Variants in RGS6 observed in about 807,000 individuals in gnomAD.
RGS6 encodes the protein regulator of G protein signaling 6, also known as regulator of G-protein signaling 6.
RGS6 carries 30 observed loss-of-function variants against 78.5 expected under a neutral mutation model. That is an observed-to-expected ratio of 0.38 (90% CI 0.29 to 0.52). The LOEUF (loss-of-function observed/expected upper bound fraction) is 0.52, where lower values mean the gene tolerates loss of function less well. RGS6 is among the 20% of genes least tolerant of loss of function. The probability of loss-of-function intolerance (pLI) is 0.85; values close to 1 mark genes in which losing one functional copy is unlikely to be tolerated. For synonymous variants in RGS6, 206 were observed against 206.0 expected (o/e 1.00, Z 0.00); for missense variants, 495 against 609.7 (o/e 0.81, Z 1.98).
intron 14 of RGS6, among the ~76,000 whole-genome samples, chr14:72,516,306 A>G (rs1179850454): frequency 1.3e-5 from 2 of 152,186 alleles, no homozygotes; most frequent in African/African-American, 2.4e-5. Context: ...GTGGACAGAG[A>G]GCCCTACAGA....
At chr14:71,888,138 A>G in the RGS6 span, among the ~76,000 whole-genome samples, 1 of 152,146 alleles carries the variant, frequency 6.6e-6, no homozygotes, top group Non-Finnish European at 1.5e-5. Context: ...GGGTTCCCCC[A>G]ATACTGAGGC....
At chr14:72,266,503 T>G (rs919384565) in intron 2 of RGS6, among the ~76,000 whole-genome samples, 1 of 152,154 alleles carries the variant, frequency 6.6e-6, no homozygotes, top group Non-Finnish European at 1.5e-5. Flanking sequence ...CACACGTGCC[T>G]CCTCCATTCT....
chr14:72,009,563 A>G (rs567545865), intron 2 of RGS6, among the ~76,000 whole-genome samples: 2 of 152,330 alleles, frequency 1.3e-5, no homozygotes, highest in South Asian at 4.1e-4. Context: ...CTTTTGCTAT[A>G]ATAAATCCTA....
intron 2 of RGS6, among the ~76,000 whole-genome samples, chr14:72,147,535 C>G (rs1302671124): frequency 6.6e-6 from 1 of 152,232 alleles, no homozygotes; most frequent in East Asian, 1.9e-4. Context: ...CATGAGCCCT[C>G]ATGACCTAAT....
upstream of RGS6, among the ~76,000 whole-genome samples, chr14:71,932,270 G>A (rs2087934779): frequency 6.6e-6 from 1 of 151,756 alleles, no homozygotes; most frequent in Admixed American, 6.6e-5. Context: ...ACGCGCTCAG[G>A]TGCCGGTCCC....
intron 3 of RGS6, among the ~76,000 whole-genome samples, chr14:72,408,040 G>T (rs1036166094): frequency 3.3e-5 from 5 of 152,162 alleles, no homozygotes. Flanking sequence ...TTTATATGAA[G>T]GATATGCTCC....
Position 72,236,239 on chromosome 14 carries a change from A to G in RGS6, c.85-115856A>G, listed in dbSNP as rs554200426. Reference sequence around the variant, plus strand: ...CACCCATCACGTACATTTTACAATTAATGTTTTCCTCTGTTTGCTTCATCA... The same window carrying G: ...CACCCATCACGTACATTTTACAATTGATGTTTTCCTCTGTTTGCTTCATCA... On this transcript the variant is annotated intron_variant, in intron 2 of 17. Coordinates refer to ENST00000553525, the MANE Select transcript of RGS6 (RefSeq NM_001204424.2). Among the ~76,000 whole-genome samples the G allele has an allele frequency of 2.0e-5, 3 of 152,312 alleles. No individual in the cohort carries two copies. In the South Asian group the frequency reaches 6.2e-4, roughly 32 times the overall value.
chr14:72,014,388 T>C (rs2086516268), intron 2 of RGS6, among the ~76,000 whole-genome samples: 1 of 152,248 alleles, frequency 6.6e-6, no homozygotes, highest in Admixed American at 6.5e-5. Context: ...CGGAATCCTT[T>C]AAAAATTACC....
intron 2 of RGS6, among the ~76,000 whole-genome samples, chr14:72,093,267 G>A (rs554133511): frequency 4.6e-5 from 7 of 152,062 alleles, no homozygotes; most frequent in Non-Finnish European, 1.0e-4. Flanking sequence ...ATCGAGACAG[G>A]ATCTCACTCT....
At chr14:72,225,091 A>G (rs375126161) in intron 2 of RGS6, among the ~76,000 whole-genome samples, 3 of 152,242 alleles carry the variant, frequency 2.0e-5, no homozygotes, top group East Asian at 3.8e-4. Context: ...CAAAAGAGCC[A>G]TAACTGAAGG....
At chr14:72,461,716 C>T (rs1344960683) in intron 6 of RGS6, among the ~76,000 whole-genome samples, 1 of 152,136 alleles carries the variant, frequency 6.6e-6, no homozygotes, top group East Asian at 1.9e-4. Flanking sequence ...ACCAGTACTC[C>T]CCAGGGTTTC....
At chr14:72,600,543 CTT>C in the RGS6 span, among the ~76,000 whole-genome samples, 11 of 149,938 alleles carry the variant, frequency 7.3e-5, no homozygotes, top group South Asian at 6.4e-4. Context: ...TCATAGATCT[CTT>C]TGAGAATCTG....
chr14:72,331,884 C>T (rs2075126685), intron 2 of RGS6, among the ~76,000 whole-genome samples: 1 of 152,074 alleles, frequency 6.6e-6, no homozygotes, highest in East Asian at 1.9e-4. Flanking sequence ...ATACTTTGTC[C>T]CTTAGAGAAA....
At chr14:72,493,897 T>A (rs1229843029) in intron 12 of RGS6, among the ~76,000 whole-genome samples, 1 of 152,198 alleles carries the variant, frequency 6.6e-6, no homozygotes, top group Non-Finnish European at 1.5e-5. Flanking sequence ...AGGATTCTCA[T>A]GCATCCTTTA....
chr14:72,305,651 T>C (rs1176747860), intron 2 of RGS6, among the ~76,000 whole-genome samples: 1 of 152,226 alleles, frequency 6.6e-6, no homozygotes, highest in East Asian at 1.9e-4. Context: ...GTATGTGTAC[T>C]GACTGTTCCA....
rs1302545323 is a variant in RGS6 at position 72,564,126 on chromosome 14, G to A, written c.*1659G>A. ...CTGCTTCCACACAGCCCTGTCCCCA[G>A]GGCACCAGCCTTCTGTCCCTCACAG... On this transcript the variant is annotated 3_prime_UTR_variant, in exon 18 of 18. Transcript: ENST00000553525. 6.6e-6 allele frequency: 1 copy of A among 152,266 alleles called. No homozygotes were observed. The highest frequency in any genetic ancestry group is 1.5e-5 in the Non-Finnish European group (1 of 68,070). 9.4% of individuals were successfully genotyped at this position (152,266 alleles called of 1,614,324 possible).
chr14:71,927,975 A>T (rs1273721098), upstream of RGS6, among the ~76,000 whole-genome samples: 1 of 151,916 alleles, frequency 6.6e-6, no homozygotes, highest in African/African-American at 2.4e-5. Flanking sequence ...CTTTTTTTTT[A>T]AACCTCAGAA....
At chr14:72,498,178 C>T (rs1356894395) in intron 13 of RGS6, among the ~76,000 whole-genome samples, 1 of 152,154 alleles carries the variant, frequency 6.6e-6, no homozygotes, top group East Asian at 1.9e-4. Flanking sequence ...TAGTAGCCTG[C>T]TCTGTTCTAT....
chr14:72,608,502 G>A, the RGS6 span, among the ~76,000 whole-genome samples: 1 of 152,080 alleles, frequency 6.6e-6, no homozygotes, highest in African/African-American at 2.4e-5. Context: ...GCTTCTAGAT[G>A]GGTCCTGCAC....
Sources: gnomAD v4.1 joint callset for allele counts (sites outside exome capture counted in the v4.1 genomes callset) on GRCh38, gnomAD v4.1.1 for gene constraint, MANE v1.5 for transcripts, NCBI Gene and HGNC (gene_info 2026-07-23, HGNC 2026-07-21) for gene names.